The following ROR1 variants were observed in gnomAD, a reference collection of about 807,000 sequenced individuals.
ROR1 encodes the protein ROR family WNT receptor 1.
In ROR1, 19 loss-of-function variants were observed where a neutral mutation model predicts 78.8. The ratio of observed to expected loss-of-function variants is 0.24; its 90% CI spans 0.17 to 0.35. ROR1 has a LOEUF of 0.35. Ranked by LOEUF, ROR1 falls within the 10% of genes least tolerant of loss-of-function variation. The pLI is 1.00. For missense variants in ROR1, 917 were observed against 1,177.8 expected (o/e 0.78, Z 3.24); for synonymous variants, 386 against 433.6 (o/e 0.89, Z 1.36).
intron 1 of ROR1, among the ~76,000 whole-genome samples, chr1:64,002,131 CTTTTTT>C (rs34252630): frequency 4.7e-5 from 5 of 105,938 alleles, no homozygotes; most frequent in African/African-American, 1.6e-4. Context: ...CCAGTTCAAC[CTTTTTT>C]TTTTTTTTTT....
chr1:64,046,747 A>G (rs1557625461), intron 2 of ROR1, among the ~76,000 whole-genome samples: 1 of 152,172 alleles, frequency 6.6e-6, no homozygotes, highest in Non-Finnish European at 1.5e-5. Flanking sequence ...TCAGCCCTCA[A>G]TGGGTCTCAT....
intron 1 of ROR1, among the ~76,000 whole-genome samples, chr1:63,805,508 C>T (rs967968241): frequency 2.6e-5 from 4 of 152,168 alleles, no homozygotes; most frequent in African/African-American, 9.7e-5. Context: ...ATGATTGCTC[C>T]TAATGCATCA....
chr1:63,822,914 C>A (rs1644931495), intron 1 of ROR1, among the ~76,000 whole-genome samples: 1 of 152,118 alleles, frequency 6.6e-6, no homozygotes, highest in Admixed American at 6.5e-5. Flanking sequence ...TTTTGATCTA[C>A]ACAATCATTG....
At chr1:64,170,047 A>G (rs905029131) in intron 8 of ROR1, among the ~76,000 whole-genome samples, 4 of 152,174 alleles carry the variant, frequency 2.6e-5, no homozygotes, top group African/African-American at 9.7e-5. Context: ...CCAGACTCAC[A>G]GTGCAAGCTG....
At chr1:64,034,724 A>C (rs1234013928) in intron 2 of ROR1, among the ~76,000 whole-genome samples, 3 of 152,190 alleles carry the variant, frequency 2.0e-5, no homozygotes, top group African/African-American at 7.2e-5. Context: ...AGATTGATAG[A>C]TCAGAGGGTC....
Position 64,160,031 on chromosome 1 carries a change from A to C in ROR1, c.1386+839A>C, listed in dbSNP as rs556733174. Among the ~76,000 whole-genome samples, 3 of 152,296 alleles carry C rather than the reference A, an allele frequency of 2.0e-5. 1 individual carries two copies. The South Asian group carries it at 6.2e-4, about 32-fold the overall frequency. On this transcript the variant is annotated intron_variant, in intron 8 of 8. Coordinates refer to ENST00000371079, the MANE Select transcript of ROR1 (RefSeq NM_005012.4). Reference sequence around the variant, plus strand: ...TCAGCAAAAAGATTTCATTTAAATAATTTAAGACTCTTGCATCTAACAGCC... The same window carrying C: ...TCAGCAAAAAGATTTCATTTAAATACTTTAAGACTCTTGCATCTAACAGCC...
intron 1 of ROR1, among the ~76,000 whole-genome samples, chr1:63,807,083 T>A (rs1644834520): frequency 6.6e-6 from 1 of 152,168 alleles, no homozygotes; most frequent in South Asian, 2.1e-4. Flanking sequence ...TGGGAGGGAC[T>A]TTTGAGAGCA....
Position 63,958,130 on chromosome 1 carries a change from A to G in ROR1, c.92-51175A>G, listed in dbSNP as rs138213042. 3.5e-4 allele frequency among the ~76,000 whole-genome samples: 53 copies of G among 152,322 alleles called. No homozygotes were observed. In the East Asian group the frequency reaches 9.8e-3, roughly 28 times the overall value. Reference sequence around the variant, plus strand: ...CTGTATAGAATTTTGTCATATAGCTATATCAAATTTTATTTACTCATTTTC... The same window carrying G: ...CTGTATAGAATTTTGTCATATAGCTGTATCAAATTTTATTTACTCATTTTC... On this transcript the variant is annotated intron_variant, in intron 1 of 8. Coordinates refer to ENST00000371079, the MANE Select transcript of ROR1 (RefSeq NM_005012.4).
intron 1 of ROR1, among the ~76,000 whole-genome samples, chr1:63,874,934 G>C (rs1645274985): frequency 6.6e-6 from 1 of 152,054 alleles, no homozygotes; most frequent in African/African-American, 2.4e-5. Flanking sequence ...AATCTGATAA[G>C]CATAGAGTAT....
At chr1:63,842,875 A>G (rs1467922779) in intron 1 of ROR1, among the ~76,000 whole-genome samples, 1 of 151,798 alleles carries the variant, frequency 6.6e-6, no homozygotes, top group Non-Finnish European at 1.5e-5. Flanking sequence ...GGGGAGGAAC[A>G]GGTTGGATGT....
intron 8 of ROR1, among the ~76,000 whole-genome samples, chr1:64,168,983 T>C (rs1171127404): frequency 6.6e-6 from 1 of 152,224 alleles, no homozygotes; most frequent in Non-Finnish European, 1.5e-5. Context: ...ACATAGGAAC[T>C]CTTGAGGTGG....
intron 1 of ROR1, among the ~76,000 whole-genome samples, chr1:63,936,269 C>A (rs1030792343): frequency 5.9e-5 from 9 of 152,184 alleles, no homozygotes; most frequent in African/African-American, 1.4e-4. Flanking sequence ...CACTTGCAAT[C>A]TATTCGTTTT....
chr1:63,852,738 A>C (rs1319182255), intron 1 of ROR1, among the ~76,000 whole-genome samples: 3 of 152,228 alleles, frequency 2.0e-5, no homozygotes, highest in Admixed American at 6.5e-5. Flanking sequence ...TTGAATTCAC[A>C]TTCTACTTTT....
intron 1 of ROR1, among the ~76,000 whole-genome samples, chr1:63,899,956 C>G (rs555582051): frequency 6.6e-5 from 10 of 151,976 alleles, no homozygotes; most frequent in African/African-American, 1.9e-4. Flanking sequence ...TTTTTACTCC[C>G]CTTTCCTCCT....
At chr1:63,838,809 C>T (rs550810788) in intron 1 of ROR1, among the ~76,000 whole-genome samples, 5 of 152,176 alleles carry the variant, frequency 3.3e-5, no homozygotes, top group Non-Finnish European at 7.3e-5. Flanking sequence ...AAGCTCCATT[C>T]ATGATAAGTG....
chr1:63,985,909 AT>A (rs1646246940), intron 1 of ROR1, among the ~76,000 whole-genome samples: 1 of 152,104 alleles, frequency 6.6e-6, no homozygotes, highest in Non-Finnish European at 1.5e-5. Context: ...TAATTGCAAG[AT>A]TTTTGGATAA....
chr1:63,854,926 CTAATA>C (rs1340064235), intron 1 of ROR1, among the ~76,000 whole-genome samples: 1 of 151,918 alleles, frequency 6.6e-6, no homozygotes, highest in African/African-American at 2.4e-5. Flanking sequence ...CTTATAATAC[CTAATA>C]TAATATAAAT....
intron 4 of ROR1, among the ~76,000 whole-genome samples, chr1:64,072,153 A>G (rs949727760): frequency 6.6e-6 from 1 of 152,202 alleles, no homozygotes; most frequent in South Asian, 2.1e-4. Flanking sequence ...TTTTTCTTTT[A>G]TAAAGATAGG....
chr1:64,012,350 G>C (rs1230280264), intron 2 of ROR1, among the ~76,000 whole-genome samples: 1 of 152,182 alleles, frequency 6.6e-6, no homozygotes, highest in Non-Finnish European at 1.5e-5. Context: ...TCACCCAGGA[G>C]AAATCAAAAC....
Sources: allele counts gnomAD v4.1 joint callset (sites outside exome capture counted in the v4.1 genomes callset), GRCh38; gene constraint gnomAD v4.1.1; transcripts MANE v1.5; gene names NCBI Gene and HGNC (gene_info 2026-07-23, HGNC 2026-07-21).